The following RBPJ variants were observed in gnomAD, a reference collection of about 807,000 sequenced individuals.
The protein encoded by RBPJ is recombination signal binding protein for immunoglobulin kappa J region.
RBPJ carries 9 observed loss-of-function variants against 67.8 expected under a neutral mutation model. That is an observed-to-expected ratio of 0.13 (90% CI 0.08 to 0.23). The LOEUF is 0.23. Ranked by LOEUF, RBPJ falls within the 10% of genes least tolerant of loss-of-function variation. The pLI is 1.00. For missense variants in RBPJ, 305 were observed against 595.6 expected (o/e 0.51, Z 5.08); for synonymous variants, 198 against 203.3 (o/e 0.97, Z 0.22).
the RBPJ span, among the ~76,000 whole-genome samples, chr4:26,123,955 A>G: frequency 6.6e-6 from 1 of 152,202 alleles, no homozygotes; most frequent in Non-Finnish European, 1.5e-5. Context: ...GAAGGAATAC[A>G]TTCTAAAATA....
At chr4:26,414,912 G>A (rs1734411119) in intron 3 of RBPJ, among the ~76,000 whole-genome samples, 1 of 152,160 alleles carries the variant, frequency 6.6e-6, no homozygotes, top group South Asian at 2.1e-4. Flanking sequence ...ATAAAACACA[G>A]CACTGCTCAT....
chr4:26,217,728 T>C (rs552496265), intron 1 of RBPJ, among the ~76,000 whole-genome samples: 9 of 152,266 alleles, frequency 5.9e-5, no homozygotes, highest in African/African-American at 2.2e-4. Context: ...AAACCGAGTA[T>C]TTGGAATTTT....
At chr4:26,325,866 G>C (rs1723576439) in intron 1 of RBPJ, among the ~76,000 whole-genome samples, 1 of 152,126 alleles carries the variant, frequency 6.6e-6, no homozygotes, top group Non-Finnish European at 1.5e-5. Context: ...ATTCTAACCA[G>C]ATCTACCAGA....
chr4:26,191,210 TAGAG>T (rs545388933), intron 1 of RBPJ, among the ~76,000 whole-genome samples: 326 of 26,778 alleles, frequency 0.012, 4 homozygotes, highest in Non-Finnish European at 0.014. Context: ...TATATATATA[TAGAG>T]AGAGAGAGAG....
rs186181409 is a variant in RBPJ at position 26,403,923 on chromosome 4, A to G, written c.60-2252A>G. ...CCCAGTAATGGGATTGCTAGGTGGA[A>G]TGGTAGTTCTGTTTTTAGCTCTTTG... On this transcript the variant is annotated intron_variant, in intron 2 of 10. Transcript: ENST00000355476. 5.7e-3 allele frequency among the ~76,000 whole-genome samples: 862 copies of G among 152,272 alleles called. 10 individuals carry two copies. Among genetic ancestry groups the G allele is most frequent in the African/African-American group, 0.02 (811 of 41,554 alleles).
intron 3 of RBPJ, chr4:26,410,070 A>T: frequency 2.2e-6 from 1 of 454,572 alleles, no homozygotes; most frequent in Non-Finnish European, 4.4e-6. Flanking sequence ...TGCTAATGCT[A>T]ATCTAGCCCT....
upstream of RBPJ, among the ~76,000 whole-genome samples, chr4:26,315,769 G>A (rs925815126): frequency 4.6e-5 from 7 of 152,014 alleles, no homozygotes; most frequent in Non-Finnish European, 8.8e-5. Context: ...CACTCCCAGA[G>A]CAGCCGTTTA....
the RBPJ span, among the ~76,000 whole-genome samples, chr4:26,147,460 C>T: frequency 6.6e-5 from 10 of 152,314 alleles, no homozygotes; most frequent in African/African-American, 2.4e-4. Flanking sequence ...AGTTGCTCAC[C>T]ATTGCCGAAT....
In RBPJ at chr4:26,345,256, A is replaced by G. The variant is rs111558932; in HGVS notation, c.20+24208A>G. Among the ~76,000 whole-genome samples the G allele has an allele frequency of 7.2e-5, 11 of 152,342 alleles. 1 individual carries two copies. Among genetic ancestry groups the G allele is most frequent in the African/African-American group, 2.6e-4 (11 of 41,600 alleles). Reference sequence around the variant, plus strand: ...ATTAGCCAAAAAATATTAGGGGGCTAGAGATCTCTTTGTGTAACATTTAAC... The same window carrying G: ...ATTAGCCAAAAAATATTAGGGGGCTGGAGATCTCTTTGTGTAACATTTAAC... On this transcript the variant is annotated intron_variant, in intron 1 of 10. Coordinates refer to ENST00000355476, the MANE Select transcript of RBPJ (RefSeq NM_015874.6).
chr4:26,283,262 G>C (rs1721341213), intron 1 of RBPJ, among the ~76,000 whole-genome samples: 1 of 149,580 alleles, frequency 6.7e-6, no homozygotes, highest in Non-Finnish European at 1.5e-5. Flanking sequence ...AGGATTTTCT[G>C]GGCCAGGCGC....
At chr4:26,380,084 A>G (rs923146964) in intron 1 of RBPJ, among the ~76,000 whole-genome samples, 2 of 152,186 alleles carry the variant, frequency 1.3e-5, no homozygotes, top group African/African-American at 4.8e-5. Context: ...AGGCTGACAT[A>G]GTGTCTTATT....
Position 26,434,486 on chromosome 4 carries a change from AT to A in RBPJ, c.*3483del, listed in dbSNP as rs989887507. The A allele has an allele frequency of 6.6e-6, 1 of 152,178 alleles. No homozygotes were observed. Among genetic ancestry groups the A allele is most frequent in the Non-Finnish European group, 1.5e-5 (1 of 68,022 alleles). 9.4% of individuals were successfully genotyped at this position (152,178 alleles called of 1,614,324 possible). ...GATAAGTACTGAACAAATGTGTGTA[AT>A]TTTCTGTGCCAGACTTATGACTTTG... is the stretch of plus-strand genomic sequence containing the variant. On this transcript the variant is annotated 3_prime_UTR_variant, in exon 11 of 11. Transcript: ENST00000355476.
intron 1 of RBPJ, among the ~76,000 whole-genome samples, chr4:26,245,674 C>T (rs1463002053): frequency 2.0e-5 from 3 of 152,104 alleles, no homozygotes; most frequent in Non-Finnish European, 4.4e-5. Flanking sequence ...AAGAGTTGTT[C>T]CCAAGTTTTC....
intron 1 of RBPJ, among the ~76,000 whole-genome samples, chr4:26,262,272 A>G (rs1157839978): frequency 1.3e-5 from 2 of 151,048 alleles, no homozygotes; most frequent in African/African-American, 4.9e-5. Context: ...ATGAAGTCTC[A>G]CTATATTGCC....
chr4:26,293,485 A>C (rs1003198248), intron 1 of RBPJ, among the ~76,000 whole-genome samples: 5 of 149,608 alleles, frequency 3.3e-5, no homozygotes, highest in African/African-American at 1.2e-4. Context: ...AATTTTTTTT[A>C]ATTAGCCAAG....
intron 1 of RBPJ, among the ~76,000 whole-genome samples, chr4:26,314,496 G>C (rs938929836): frequency 6.6e-6 from 1 of 152,264 alleles, no homozygotes; most frequent in East Asian, 1.9e-4. Flanking sequence ...GGCCTGGTGG[G>C]AGGTGACTGG....
intron 2 of RBPJ, among the ~76,000 whole-genome samples, chr4:26,399,909 C>A (rs1460371409): frequency 3.3e-5 from 5 of 152,016 alleles, no homozygotes; most frequent in Non-Finnish European, 5.9e-5. Flanking sequence ...AAACTCCTGA[C>A]CTCAATTGAT....
chr4:26,347,570 GA>G (rs1325452387), intron 1 of RBPJ, among the ~76,000 whole-genome samples: 1 of 152,212 alleles, frequency 6.6e-6, no homozygotes, highest in Non-Finnish European at 1.5e-5. Context: ...ACCCTGGCAA[GA>G]ACTGGTGAGA....
chr4:26,428,680 A>C, intron 7 of RBPJ, 40 bp from the exon 8 acceptor site: 1 of 1,522,952 alleles, frequency 6.6e-7, no homozygotes, highest in Non-Finnish European at 9.1e-7. Flanking sequence ...AATCCTTTCC[A>C]TGTGTGGATG....
Sources: gnomAD v4.1 joint callset for allele counts (sites outside exome capture counted in the v4.1 genomes callset) on GRCh38, gnomAD v4.1.1 for gene constraint, MANE v1.5 for transcripts, NCBI Gene and HGNC (gene_info 2026-07-23, HGNC 2026-07-21) for gene names.